Variants in RNPC3 observed in about 807,000 individuals in gnomAD.
RNPC3 encodes RNA-binding region-containing protein 3.
Under a neutral mutation model 67.5 loss-of-function variants are expected in RNPC3, and 48 were observed. The observed-to-expected ratio is 0.71, with a 90% CI of 0.56 to 0.90. The LOEUF is 0.90. RNPC3 is among the 40% of genes least tolerant of loss of function. The pLI, the probability that RNPC3 is intolerant of heterozygous loss-of-function variation, is 0.00. For synonymous variants in RNPC3, 239 were observed against 210.3 expected (o/e 1.14, Z -1.18); for missense variants, 637 against 626.1 (o/e 1.02, Z -0.19).
intron 7 of RNPC3, 79 bp downstream of exon 7, chr1:103,537,563 G>C: frequency 8.3e-7 from 1 of 1,208,284 alleles, no homozygotes; most frequent in Non-Finnish European, 1.1e-6. Context: ...CCTAGATTTT[G>C]TGTGTATAAT....
At position 103,537,386 on chromosome 1, in the gene RNPC3, T is replaced by A; in HGVS notation, c.669T>A (p.Ser223=). Residue 223 remains serine (S), a synonymous_variant, in exon 7 of 15, where the codon TCT becomes TCA. Coordinates refer to ENST00000423855, the MANE Select transcript of RNPC3 (RefSeq NM_017619.4). ...MPLHAPLPPT[S]PQPPEEPPLP... ...TGCATGCACCTCTTCCACCCACATC[T>A]CCTCAGCCACCTGAGGAACCTCCTT... 2.0e-6 allele frequency: 3 copies of A among 1,536,146 alleles called. No homozygotes were observed. In the East Asian group the frequency reaches 7.3e-5, roughly 38 times the overall value.
intron 8 of RNPC3, 36 bp downstream of exon 8, chr1:103,541,511 G>A: frequency 6.8e-7 from 1 of 1,461,800 alleles, no homozygotes; most frequent in South Asian, 1.4e-5. Context: ...AGGGTTGTCT[G>A]TATGTACTTT....
At chr1:103,546,517 C>G (rs964119394) in intron 11 of RNPC3, 175 bp downstream of exon 11, 6 of 389,264 alleles carry the variant, frequency 1.5e-5, no homozygotes, top group African/African-American at 1.3e-4. Context: ...AAATAATACT[C>G]TCATAGCTTG....
chr1:103,547,972 C>G (rs545166803), intron 12 of RNPC3, among the ~76,000 whole-genome samples: 1 of 152,172 alleles, frequency 6.6e-6, no homozygotes, highest in South Asian at 2.1e-4. Flanking sequence ...GCTGCCAAGG[C>G]TTGACGTTTG....
chr1:103,525,947 G>C lies in RNPC3; in HGVS notation c.-124G>C. The C allele has an allele frequency of 1.3e-6, 1 of 767,054 alleles. No homozygotes were observed. Among genetic ancestry groups the C allele is most frequent in the Non-Finnish European group, 2.0e-6 (1 of 493,776 alleles). The allele number at this position is 767,054 out of a possible 1,614,324, so 47.5% of individuals were successfully genotyped here. A position where few individuals can be genotyped will look rare whatever the true frequency, so the allele number is the denominator to read the frequency against. ...CGCGAGAAGGTGACTTTCTTTCTCG[G>C]TATTTCCTGGTTTCCAGAATCCTTA... On this transcript the variant is annotated 5_prime_UTR_variant, in exon 1 of 15. Coordinates refer to ENST00000423855, the MANE Select transcript of RNPC3 (RefSeq NM_017619.4).
intron 2 of RNPC3, among the ~76,000 whole-genome samples, chr1:103,531,167 C>T (rs1286295610): frequency 3.3e-5 from 5 of 152,134 alleles, no homozygotes; most frequent in African/African-American, 9.6e-5. Flanking sequence ...GCTGCAAATG[C>T]CATTATTTTG....
chr1:103,538,473 C>T (rs149098971), intron 7 of RNPC3, among the ~76,000 whole-genome samples: 52 of 152,148 alleles, frequency 3.4e-4, no homozygotes, highest in African/African-American at 8.9e-4. Context: ...GCCAGAGTTA[C>T]GATAGTATTG....
Position 103,551,088 on chromosome 1 carries a change from C to A in RNPC3, c.1494+15C>A. On this transcript the variant is annotated intron_variant, in intron 13 of 14. Coordinates refer to ENST00000423855, the MANE Select transcript of RNPC3 (RefSeq NM_017619.4). ...CCATGGTGGTTGTATCCTTTAAATC[C>A]ATCTATTTCAAAACTATATAATTTT... is the stretch of plus-strand genomic sequence containing the variant. The A allele has an allele frequency of 6.3e-7, 1 of 1,578,238 alleles. No homozygotes were observed. Among genetic ancestry groups the A allele is most frequent in the Non-Finnish European group, 8.6e-7 (1 of 1,161,704 alleles).
chr1:103,526,876 A>T (rs766635914), intron 1 of RNPC3, among the ~76,000 whole-genome samples: 10 of 152,216 alleles, frequency 6.6e-5, no homozygotes, highest in Non-Finnish European at 1.3e-4. Context: ...CTTCATTAAA[A>T]TAGGAATAGC....
intron 7 of RNPC3, among the ~76,000 whole-genome samples, chr1:103,538,404 TC>T (rs1651046039): frequency 6.6e-6 from 1 of 152,200 alleles, no homozygotes; most frequent in Non-Finnish European, 1.5e-5. Context: ...TCTTTAGTGT[TC>T]CTGAGCTCAA....
chr1:103,542,390 G>A (rs1469266411), intron 8 of RNPC3, among the ~76,000 whole-genome samples: 2 of 151,894 alleles, frequency 1.3e-5, no homozygotes, highest in African/African-American at 4.8e-5. Context: ...ATGATGAAAG[G>A]GAAAGCTAGA....
intron 10 of RNPC3, chr1:103,545,315 C>A: frequency 5.4e-6 from 2 of 371,572 alleles, no homozygotes; most frequent in South Asian, 3.9e-5. Flanking sequence ...TGTTTCCAGT[C>A]TATATTTAGG....
At chr1:103,539,322 T>G (rs1033772097) in intron 7 of RNPC3, among the ~76,000 whole-genome samples, 1 of 152,170 alleles carries the variant, frequency 6.6e-6, no homozygotes, top group Non-Finnish European at 1.5e-5. Context: ...AGTGGTACAA[T>G]GTGCAGTATA....
At chr1:103,537,545 T>C (rs1339899596) in intron 7 of RNPC3, 61 bp downstream of exon 7, 38 of 1,369,556 alleles carry the variant, frequency 2.8e-5, no homozygotes, top group Non-Finnish European at 3.5e-5. Flanking sequence ...AAAGAGACTC[T>C]TGCTCTCCCT....
chr1:103,550,608 T>C (rs1283966265), intron 12 of RNPC3, among the ~76,000 whole-genome samples: 3 of 136,264 alleles, frequency 2.2e-5, no homozygotes, highest in African/African-American at 8.5e-5. Context: ...GCCACTGCAC[T>C]CCAGCCTGGG....
chr1:103,547,937 C>T (rs1651285921), intron 12 of RNPC3, among the ~76,000 whole-genome samples: 2 of 152,184 alleles, frequency 1.3e-5, no homozygotes, highest in African/African-American at 4.8e-5. Flanking sequence ...CATCTGTGCA[C>T]TGGCAGGCTT....
chr1:103,551,379 G>T (rs1651383105), intron 13 of RNPC3: 1 of 354,710 alleles, frequency 2.8e-6, no homozygotes, highest in South Asian at 6.3e-5. Context: ...AGTCATAAAA[G>T]AACTAATTCA....
chr1:103,551,752 A>T lies in RNPC3; in HGVS notation c.1526A>T (p.Asp509Val). 1 of 1,532,428 alleles carries T rather than the reference A, an allele frequency of 6.5e-7. No individual in the cohort carries two copies. The highest frequency in any genetic ancestry group is 8.8e-7 in the Non-Finnish European group (1 of 1,136,800). The allele number at this position is 1,532,428 out of a possible 1,614,324, so 94.9% of individuals were successfully genotyped here. Reference protein sequence around the residue: ...QFARSARPKQDPKEGKRKC With the variant: ...QFARSARPKQVPKEGKRKC Reference sequence around the variant, plus strand: ...GCTCGATCTGCTAGACCAAAACAAGATCCTAAGGAAGGAAAAAGAAAGTGT... The same window carrying T: ...GCTCGATCTGCTAGACCAAAACAAGTTCCTAAGGAAGGAAAAAGAAAGTGT... Residue 509 changes from aspartate to valine, a missense_variant, in exon 14 of 15, where the codon GAT becomes GTT. This residue lies in a region of RNPC3 where 96 missense variants were observed against 105.8 expected (regional missense o/e 0.91). Transcript: ENST00000423855.
chr1:103,530,444 CAG>C (rs1650821877), intron 2 of RNPC3, among the ~76,000 whole-genome samples: 2 of 152,146 alleles, frequency 1.3e-5, no homozygotes, highest in African/African-American at 2.4e-5. Context: ...ACAGCTGGAA[CAG>C]GGGCTCTAGG....
Sources: gnomAD v4.1 joint callset for allele counts (sites outside exome capture counted in the v4.1 genomes callset) on GRCh38, gnomAD v4.1.1 for gene constraint, gnomAD v4.1.1 regional missense constraint, MANE v1.5 for transcripts, NCBI Gene and HGNC (gene_info 2026-07-23, HGNC 2026-07-21) for gene names.